The following TRANK1 variants were observed in gnomAD, a reference collection of about 807,000 sequenced individuals.
TRANK1 encodes TPR and ankyrin repeat-containing protein 1.
Under a neutral mutation model 266.0 loss-of-function variants are expected in TRANK1, and 198 were observed. The observed-to-expected ratio is 0.74, with a 90% CI of 0.66 to 0.84. The LOEUF is 0.84. Ranked by LOEUF, TRANK1 falls within the 40% of genes least tolerant of loss-of-function variation. TRANK1 has a pLI of 0.00. For missense variants in TRANK1, 3,326 were observed against 3,634.6 expected (o/e 0.92, Z 2.18); for synonymous variants, 1,396 against 1,384.1 (o/e 1.01, Z -0.19).
chr3:36,855,245 T>C lies in TRANK1; in HGVS notation c.4477A>G (p.Ile1493Val), dbSNP rs769795191. The C allele has an allele frequency of 3.7e-6, 6 of 1,613,938 alleles. No individual in the cohort carries two copies. Among genetic ancestry groups the C allele is most frequent in the South Asian group, 1.1e-5 (1 of 91,090 alleles). Residue 1493 changes from isoleucine to valine, a missense_variant, in exon 13 of 24, where the codon ATA becomes GTA. By Grantham distance (29) the Ile-to-Val change is conservative (BLOSUM62 3). Transcript: ENST00000645898. ...SLFHYASRNT[I>V]DKQCAVRKPK... ...TTCCGGACAGCACACTGCTTGTCTA[T>C]GGTGTTTCTGCTGGCATAATGGAAC... is the stretch of plus-strand genomic sequence containing the variant.
At chr3:36,858,097 G>T in intron 12 of TRANK1, 48 bp from the exon 13 acceptor site, 1 of 1,420,690 alleles carries the variant, frequency 7.0e-7, no homozygotes, top group Non-Finnish European at 9.3e-7. Flanking sequence ...ACTCTTCTTA[G>T]GGGACAGCAG....
At position 36,857,872 on chromosome 3, in the gene TRANK1, A is replaced by T. The variant is rs1354465155; in HGVS notation, c.1850T>A (p.Phe617Tyr). The T allele has an allele frequency of 1.2e-6, 2 of 1,613,104 alleles. No individual in the cohort carries two copies. Among genetic ancestry groups the T allele is most frequent in the Non-Finnish European group, 1.7e-6 (2 of 1,179,902 alleles). ...VKKLLDLLVKFDINFNLKNKE... is the reference protein window; with the variant it reads ...VKKLLDLLVKYDINFNLKNKE... Reference sequence around the variant, plus strand: ...GTTCTTCAGATTGAAGTTGATGTCAAACTTCACCAGCAGGTCTAACAGCTT... The same window carrying T: ...GTTCTTCAGATTGAAGTTGATGTCATACTTCACCAGCAGGTCTAACAGCTT... Residue 617 changes from phenylalanine to tyrosine, a missense_variant, in exon 13 of 24, where the codon TTT becomes TAT. Physicochemically the swap from Phe to Tyr is conservative, Grantham distance 22. Coordinates refer to ENST00000645898, the MANE Select transcript of TRANK1 (RefSeq NM_001329998.2). This position sits in a 1 kb window ranked among gnomAD's most constrained non-coding sequence, Gnocchi z 4.3.
At chr3:36,860,381 T>C (rs951999263) in intron 11 of TRANK1, among the ~76,000 whole-genome samples, 13 of 152,188 alleles carry the variant, frequency 8.5e-5, no homozygotes, top group Non-Finnish European at 1.8e-4. Context: ...GCAAGATGTC[T>C]GCACACTCCA....
At chr3:36,897,223 T>G (rs1339228966) in intron 4 of TRANK1, among the ~76,000 whole-genome samples, 1 of 152,122 alleles carries the variant, frequency 6.6e-6, no homozygotes, top group African/African-American at 2.4e-5. Flanking sequence ...GAGAACCGCT[T>G]GAACCTGGGA....
chr3:36,850,889 C>T (rs2078976965), intron 15 of TRANK1: 90 of 985,446 alleles, frequency 9.1e-5, no homozygotes, highest in Non-Finnish European at 1.1e-4. Context: ...TTCAAGCATG[C>T]ATCATGTGCA....
chr3:36,834,709 C>A, intron 21 of TRANK1, 53 bp downstream of exon 21: 1 of 1,572,072 alleles, frequency 6.4e-7, no homozygotes, highest in Non-Finnish European at 8.6e-7. Flanking sequence ...AGGCTGCCCC[C>A]AGAGAGAAGT....
rs1216383328 is a variant in TRANK1 at position 36,856,590 on chromosome 3, C to T, written c.3132G>A (p.Thr1044=). The change falls in exon 13 of 24, where the codon ACG becomes ACA. Residue 1044 remains threonine (T), a synonymous_variant. Coordinates refer to ENST00000645898, the MANE Select transcript of TRANK1 (RefSeq NM_001329998.2). ...GGAAGGGGTACTCCACTGTGGCTGT[C>T]GTGTCATTGAGGATGTTAAAGGCCA... ...TNMAFNILND[T]TATVEYPFRV... 4 of 1,613,842 alleles carry T rather than the reference C, an allele frequency of 2.5e-6. No individual in the cohort carries two copies. The highest frequency in any genetic ancestry group is 1.3e-5 in the African/African-American group (1 of 74,922).
chr3:36,859,117 C>A (rs147542836), intron 11 of TRANK1, among the ~76,000 whole-genome samples: 1 of 152,168 alleles, frequency 6.6e-6, no homozygotes, highest in East Asian at 1.9e-4. Flanking sequence ...GCCTCACCCC[C>A]GCCTCCTCTC....
intron 9 of TRANK1, among the ~76,000 whole-genome samples, chr3:36,870,633 C>A (rs182369913): frequency 6.6e-6 from 1 of 152,110 alleles, no homozygotes; most frequent in Non-Finnish European, 1.5e-5. Flanking sequence ...AGAAATCAAA[C>A]GTCCAACAAG....
chr3:36,841,758 A>C (rs557410943), intron 18 of TRANK1, among the ~76,000 whole-genome samples: 1 of 152,328 alleles, frequency 6.6e-6, no homozygotes, highest in African/African-American at 2.4e-5. Context: ...CTGCCACAGG[A>C]GCCATTAGGC....
Position 36,908,343 on chromosome 3 carries a change from G to A in TRANK1, c.135C>T (p.Leu45=). ...IRKYDEAIQI[L]LQLYQWGVPP... is the part of the protein sequence containing the mutation. ...CTTACCCCCACTGGTATAACTGCAG[G>A]AGAATCTGGATGGCTTCATCGTACT... Residue 45 remains leucine (L), a synonymous_variant, in exon 2 of 24, where the codon CTC becomes CTT. Coordinates refer to ENST00000645898, the MANE Select transcript of TRANK1 (RefSeq NM_001329998.2). 1 of 1,232,228 alleles carries A rather than the reference G, an allele frequency of 8.1e-7. No individual in the cohort carries two copies. Among genetic ancestry groups the A allele is most frequent in the Non-Finnish European group, 1.0e-6 (1 of 987,990 alleles). 76.3% of individuals were successfully genotyped at this position (1,232,228 alleles called of 1,614,324 possible). A position where few individuals can be genotyped will look rare whatever the true frequency, so the allele number is the denominator to read the frequency against.
intron 1 of TRANK1, among the ~76,000 whole-genome samples, chr3:36,932,400 G>A (rs779768779): frequency 3.3e-5 from 5 of 152,032 alleles, no homozygotes; most frequent in Admixed American, 6.6e-5. Flanking sequence ...GTGAAACCCC[G>A]TCTCTACTAA....
At chr3:36,907,695 A>C (rs961828274) in intron 2 of TRANK1, among the ~76,000 whole-genome samples, 1 of 145,170 alleles carries the variant, frequency 6.9e-6, no homozygotes, top group African/African-American at 2.6e-5. Context: ...CGATCTCCTG[A>C]CCTCGTGATC....
chr3:36,909,725 A>C (rs2080024756), intron 1 of TRANK1, among the ~76,000 whole-genome samples: 1 of 152,226 alleles, frequency 6.6e-6, no homozygotes. Flanking sequence ...GTGGTGATTT[A>C]TTTTAAACAA....
At chr3:36,880,917 T>G (rs1187798598) in intron 8 of TRANK1, among the ~76,000 whole-genome samples, 1 of 106,896 alleles carries the variant, frequency 9.4e-6, no homozygotes. Context: ...CAGTCCCCGG[T>G]GTGTGATGTT....
At chr3:36,905,416 TAAG>T (rs1411247892) in intron 2 of TRANK1, among the ~76,000 whole-genome samples, 2 of 152,104 alleles carry the variant, frequency 1.3e-5, no homozygotes, top group East Asian at 1.9e-4. Flanking sequence ...CACAATGGAA[TAAG>T]AAGAGACGCT....
At chr3:36,830,820 C>T in intron 22 of TRANK1, 53 bp downstream of exon 22, 3 of 1,513,442 alleles carry the variant, frequency 2.0e-6, no homozygotes, top group South Asian at 2.7e-5. Flanking sequence ...TGAGAAATGT[C>T]CTCAGAGCCC....
At chr3:36,943,815 G>A (rs1212124322) in intron 1 of TRANK1, among the ~76,000 whole-genome samples, 1 of 152,080 alleles carries the variant, frequency 6.6e-6, no homozygotes, top group Non-Finnish European at 1.5e-5. Flanking sequence ...TGAGCCAGCA[G>A]CAACTGGGTT....
intron 13 of TRANK1, among the ~76,000 whole-genome samples, chr3:36,853,158 C>T (rs888323112): frequency 2.6e-5 from 4 of 152,136 alleles, no homozygotes; most frequent in Admixed American, 2.0e-4. Context: ...CCATTTAATC[C>T]TCACAACAAC....
Sources: gnomAD v4.1 joint callset for allele counts (sites outside exome capture counted in the v4.1 genomes callset) on GRCh38, gnomAD v4.1.1 for gene constraint, Gnocchi (gnomAD v3.1) non-coding constraint, MANE v1.5 for transcripts, NCBI Gene and HGNC (gene_info 2026-07-23, HGNC 2026-07-21) for gene names.